DNAAF9: variants seen among roughly 807,000 people sequenced by gnomAD.
DNAAF9 encodes the protein shulin.
In DNAAF9, 90 loss-of-function variants were observed where a neutral mutation model predicts 167.0. The ratio of observed to expected loss-of-function variants is 0.54; its 90% CI spans 0.45 to 0.64. The LOEUF (loss-of-function observed/expected upper bound fraction) is 0.64, where lower values mean the gene tolerates loss of function less well. Ranked by LOEUF, DNAAF9 falls within the 30% of genes least tolerant of loss-of-function variation. The probability of loss-of-function intolerance (pLI) is 0.00; values close to 1 mark genes in which losing one functional copy is unlikely to be tolerated. For synonymous variants in DNAAF9, 491 were observed against 508.8 expected, an observed-to-expected ratio of 0.96 and a Z score of 0.47; for missense variants, 1,315 against 1,442.2, an observed-to-expected ratio of 0.91 and a Z score of 1.43.
chr20:3,272,030 T>C (rs528402590), intron 29 of DNAAF9, among the ~76,000 whole-genome samples: 3 of 152,246 alleles, frequency 2.0e-5, no homozygotes, highest in African/African-American at 4.8e-5. Context: ...TCGTATTTCA[T>C]CTACACTCCA....
In DNAAF9 at chr20:3,250,444, G is replaced by C. The variant is rs1307728892; in HGVS notation, c.*2128C>G. 1 of 152,252 alleles carries C rather than the reference G, an allele frequency of 6.6e-6. No individual in the cohort carries two copies. The highest frequency in any genetic ancestry group is 2.4e-5 in the African/African-American group (1 of 41,466). 9.4% of individuals were successfully genotyped at this position (152,252 alleles called of 1,614,324 possible). A position where few individuals can be genotyped will look rare whatever the true frequency, so the allele number is the denominator to read the frequency against. On this transcript the variant is annotated 3_prime_UTR_variant, in exon 37 of 37. Coordinates refer to ENST00000252032, the MANE Select transcript of DNAAF9 (RefSeq NM_001009984.3). Reference sequence around the variant, plus strand: ...CCGAGTAGGCTGAGGAGCATCAACAGAGGCCTCAGCCAGTTTTGCCTTTTT... The same window carrying C: ...CCGAGTAGGCTGAGGAGCATCAACACAGGCCTCAGCCAGTTTTGCCTTTTT...
intron 20 of DNAAF9, among the ~76,000 whole-genome samples, chr20:3,313,639 C>T (rs1178480736): frequency 6.6e-6 from 1 of 152,182 alleles, no homozygotes; most frequent in Non-Finnish European, 1.5e-5. Context: ...GCAAGACCAA[C>T]AAGGTTTTTG....
At chr20:3,297,287 G>A (rs971909364) in intron 22 of DNAAF9, among the ~76,000 whole-genome samples, 5 of 152,142 alleles carry the variant, frequency 3.3e-5, no homozygotes, top group Non-Finnish European at 7.4e-5. Context: ...CCAAGAAGCA[G>A]AGGGATGGCT....
Position 3,330,678 on chromosome 20 carries a change from A to C in DNAAF9, c.1068T>G (p.Gly356=), listed in dbSNP as rs1205863212. 19 of 1,594,708 alleles carry C rather than the reference A, an allele frequency of 1.2e-5. No individual in the cohort carries two copies. The highest frequency in any genetic ancestry group is 2.7e-5 in the African/African-American group (2 of 74,218). The change falls in exon 12 of 37, where the codon GGT becomes GGG. Residue 356 remains glycine (G), a synonymous_variant. Coordinates refer to ENST00000252032, the MANE Select transcript of DNAAF9 (RefSeq NM_001009984.3). ...FGATHVPYLG[G]DSKLPKKTEQ... ...CAGTTTTCTTGGGCAGCTTGCTGTC[A>C]CCACCTGTGAAAGAGGCCCACTAAG...
At chr20:3,316,857 A>T in intron 17 of DNAAF9, 64 bp from the exon 18 acceptor site, 23 of 1,076,134 alleles carry the variant, frequency 2.1e-5, no homozygotes, top group Non-Finnish European at 3.0e-5. Flanking sequence ...TGCAGGCCCC[A>T]GACCCTAAAT....
chr20:3,273,121 G>A (rs1056154103), intron 29 of DNAAF9, among the ~76,000 whole-genome samples: 8 of 152,178 alleles, frequency 5.3e-5, no homozygotes, highest in African/African-American at 9.7e-5. Flanking sequence ...GTGAGCCATC[G>A]CGCCCGGTGA....
intron 17 of DNAAF9, 95 bp from the exon 18 acceptor site, chr20:3,316,888 T>TTA: frequency 3.2e-4 from 169 of 528,012 alleles, no homozygotes; most frequent in Non-Finnish European, 3.9e-4. Context: ...GGAGCTAGGG[T>TTA]TCTTTTTTTT....
chr20:3,296,383 C>CTT, intron 23 of DNAAF9: 57 of 309,118 alleles, frequency 1.8e-4, no homozygotes, highest in East Asian at 5.0e-4. Flanking sequence ...GGACATTTTT[C>CTT]GTTTTTTTTT....
At chr20:3,270,679 G>C (rs370840334) in intron 29 of DNAAF9, 117 bp from the exon 30 acceptor site, 38 of 799,702 alleles carry the variant, frequency 4.8e-5, no homozygotes, top group African/African-American at 2.1e-4. Context: ...TCTCCTGATG[G>C]AGACAACCCT....
intron 3 of DNAAF9, among the ~76,000 whole-genome samples, chr20:3,376,925 CG>C (rs1198766083): frequency 6.6e-6 from 1 of 152,010 alleles, no homozygotes; most frequent in Non-Finnish European, 1.5e-5. Flanking sequence ...AAAAATTAGC[CG>C]GGTGTGGTGG....
At chr20:3,316,062 C>T (rs184554519) in intron 18 of DNAAF9, 5 of 482,370 alleles carry the variant, frequency 1.0e-5, no homozygotes, top group Non-Finnish European at 1.8e-5. Flanking sequence ...CTGTATTTCA[C>T]TTCAGAAAAA....
chr20:3,341,087 G>A (rs2070076025), intron 9 of DNAAF9, among the ~76,000 whole-genome samples: 1 of 152,036 alleles, frequency 6.6e-6, no homozygotes, highest in South Asian at 2.1e-4. Context: ...GCACAGGAGG[G>A]TTGCAAATTT....
At chr20:3,291,358 T>C (rs1203571458) in intron 25 of DNAAF9, among the ~76,000 whole-genome samples, 2 of 150,862 alleles carry the variant, frequency 1.3e-5, no homozygotes, top group African/African-American at 4.9e-5. Context: ...TTTTTTTTTT[T>C]TTTTGAGACG....
chr20:3,350,142 CACACAGACACACAG>C (rs758215685), intron 7 of DNAAF9, among the ~76,000 whole-genome samples: 9,263 of 123,500 alleles, frequency 0.075, 375 homozygotes, highest in Non-Finnish European at 0.1. Context: ...GACACACAGA[CACACAGACACACAG>C]ACACACACAC....
At chr20:3,271,377 G>A (rs1374707877) in intron 29 of DNAAF9, among the ~76,000 whole-genome samples, 1 of 152,030 alleles carries the variant, frequency 6.6e-6, no homozygotes, top group East Asian at 1.9e-4. Flanking sequence ...GTAAGAAAGG[G>A]TGGCCCATGT....
chr20:3,294,305 G>A, intron 24 of DNAAF9, 49 bp from the exon 25 acceptor site: 1 of 1,237,880 alleles, frequency 8.1e-7, no homozygotes, highest in Non-Finnish European at 1.2e-6. Context: ...AGCCTGTCCT[G>A]AAGGTGCCTA....
chr20:3,256,168 G>A lies in DNAAF9; in HGVS notation c.3099C>T (p.Asn1033=). The A allele has an allele frequency of 1.2e-6, 2 of 1,614,186 alleles. No homozygotes were observed. Among genetic ancestry groups the A allele is most frequent in the Non-Finnish European group, 1.7e-6 (2 of 1,180,016 alleles). The change falls in exon 34 of 37, where the codon AAC becomes AAT. Residue 1033 remains asparagine, a synonymous_variant. Transcript: ENST00000252032. ...TMEVCYNTLA[N]SLSIMPVLEG... is the part of the protein sequence containing the mutation. ...CCAAAACTGGCATGATGCTCAAGGA[G>A]TTGGCCAGTGTGTTGTAGCAGACCT...
chr20:3,343,531 G>C, intron 9 of DNAAF9, 145 bp downstream of exon 9: 1 of 654,096 alleles, frequency 1.5e-6, no homozygotes, highest in East Asian at 2.6e-5. Context: ...ACAGAGTACA[G>C]ATTTCTTACC....
Position 3,355,832 on chromosome 20 carries a change from T to C in DNAAF9, c.690+3684A>G, listed in dbSNP as rs138599248. ...GGTATCAATATTCATAATACTGGTC[T>C]GTAGTTTTCATTTTCTTTAGTTTCT... On this transcript the variant is annotated intron_variant, in intron 7 of 36. Coordinates refer to ENST00000252032, the MANE Select transcript of DNAAF9 (RefSeq NM_001009984.3). Among the ~76,000 whole-genome samples, 828 of 152,274 alleles carry C rather than the reference T, an allele frequency of 5.4e-3. 2 individuals are homozygous for C. Among genetic ancestry groups the C allele is most frequent in the Middle Eastern group, 6.8e-3 (2 of 292 alleles).
Sources: gnomAD v4.1 joint callset for allele counts (sites outside exome capture counted in the v4.1 genomes callset) on GRCh38, gnomAD v4.1.1 for gene constraint, MANE v1.5 for transcripts, NCBI Gene and HGNC (gene_info 2026-07-23, HGNC 2026-07-21) for gene names.